FAF1: variants seen among roughly 807,000 people sequenced by gnomAD.
FAF1 encodes FAS-associated factor 1.
In FAF1, 25 loss-of-function variants were observed where a neutral mutation model predicts 92.5. The ratio of observed to expected loss-of-function variants is 0.27; its 90% CI spans 0.20 to 0.38. The LOEUF is 0.38. Among genes scored for constraint, FAF1 ranks in the 10% least tolerant of loss-of-function variants. The pLI, the probability that FAF1 is intolerant of heterozygous loss-of-function variation, is 1.00. For missense variants in FAF1, 636 were observed against 793.3 expected (o/e 0.80, Z 2.38); for synonymous variants, 234 against 273.2 (o/e 0.86, Z 1.42).
intron 17 of FAF1, among the ~76,000 whole-genome samples, chr1:50,486,979 C>T (rs1646776727): frequency 6.6e-6 from 1 of 151,964 alleles, no homozygotes; most frequent in Non-Finnish European, 1.5e-5. Context: ...AGTATTTGGG[C>T]CTTTGCAGGG....
intron 7 of FAF1, among the ~76,000 whole-genome samples, chr1:50,700,116 G>A (rs1260825853): frequency 6.6e-6 from 1 of 151,562 alleles, no homozygotes; most frequent in Non-Finnish European, 1.5e-5. Context: ...TGATATGAAA[G>A]GCTTCAAGGC....
chr1:50,872,348 A>C (rs1373655139), intron 1 of FAF1, among the ~76,000 whole-genome samples: 1 of 152,226 alleles, frequency 6.6e-6, no homozygotes, highest in Non-Finnish European at 1.5e-5. Context: ...AACTAGAATT[A>C]GAAGTGGAGT....
At chr1:50,729,086 G>C (rs539198431) in intron 6 of FAF1, among the ~76,000 whole-genome samples, 194 of 107,420 alleles carry the variant, frequency 1.8e-3, no homozygotes, top group Non-Finnish European at 2.8e-3. Flanking sequence ...GCAGAGTTTC[G>C]CTATTGTTGC....
chr1:50,487,721 C>CT (rs1223000159), intron 17 of FAF1, among the ~76,000 whole-genome samples: 2 of 152,158 alleles, frequency 1.3e-5, no homozygotes, highest in Admixed American at 6.5e-5. Context: ...TTCAATACTT[C>CT]TTTTTTCTAA....
At chr1:50,505,550 T>G (rs1218330484) in intron 15 of FAF1, among the ~76,000 whole-genome samples, 1 of 152,176 alleles carries the variant, frequency 6.6e-6, no homozygotes, top group East Asian at 1.9e-4. Flanking sequence ...GATAAGACAA[T>G]AGAAAAATGC....
intron 8 of FAF1, among the ~76,000 whole-genome samples, chr1:50,620,022 C>T (rs1653117926): frequency 6.6e-6 from 1 of 151,790 alleles, no homozygotes; most frequent in Admixed American, 6.6e-5. Flanking sequence ...GATTCTCCTG[C>T]CTCAACTTCC....
intron 1 of FAF1, among the ~76,000 whole-genome samples, chr1:50,942,425 T>C (rs978266308): frequency 6.6e-6 from 1 of 152,068 alleles, no homozygotes; most frequent in African/African-American, 2.4e-5. Flanking sequence ...TAAACTTTGT[T>C]GTAAACCACA....
chr1:50,732,334 C>A (rs1414404620), intron 6 of FAF1, among the ~76,000 whole-genome samples: 1 of 152,132 alleles, frequency 6.6e-6, no homozygotes, highest in African/African-American at 2.4e-5. Flanking sequence ...CTTGGCCTCC[C>A]AAAGTGCTGG....
chr1:50,705,155 T>G (rs919516541), intron 7 of FAF1, among the ~76,000 whole-genome samples: 1 of 152,214 alleles, frequency 6.6e-6, no homozygotes, highest in Non-Finnish European at 1.5e-5. Flanking sequence ...AAGATAGAAT[T>G]ACTAGCTTTT....
intron 1 of FAF1, among the ~76,000 whole-genome samples, chr1:50,933,900 T>C (rs1645067163): frequency 6.6e-6 from 1 of 152,194 alleles, no homozygotes; most frequent in African/African-American, 2.4e-5. Context: ...CCATCAGATC[T>C]TGTGAGACTT....
chr1:50,798,733 C>A (rs1337924048), intron 3 of FAF1, among the ~76,000 whole-genome samples: 4 of 152,292 alleles, frequency 2.6e-5, no homozygotes, highest in Non-Finnish European at 4.4e-5. Flanking sequence ...TATGACTTAT[C>A]CTATCTACCT....
At chr1:50,782,129 G>A (rs1661200346) in intron 4 of FAF1, among the ~76,000 whole-genome samples, 1 of 152,094 alleles carries the variant, frequency 6.6e-6, no homozygotes, top group East Asian at 1.9e-4. Flanking sequence ...ACTGGTTTAT[G>A]TATTCACTAT....
chr1:50,616,574 G>A (rs1652922297), intron 8 of FAF1, among the ~76,000 whole-genome samples: 1 of 151,900 alleles, frequency 6.6e-6, no homozygotes, highest in African/African-American at 2.4e-5. Context: ...TGTATTCCTA[G>A]GTATTTCATT....
At chr1:50,543,131 G>T (rs1413135863) in intron 13 of FAF1, among the ~76,000 whole-genome samples, 1 of 152,016 alleles carries the variant, frequency 6.6e-6, no homozygotes, top group African/African-American at 2.4e-5. Flanking sequence ...ACGGAAACCA[G>T]GATTACTAAT....
chr1:50,536,449 C>T (rs953641824), intron 14 of FAF1, among the ~76,000 whole-genome samples: 6 of 152,190 alleles, frequency 3.9e-5, no homozygotes, highest in African/African-American at 1.4e-4. Flanking sequence ...CCATCCTTTA[C>T]AGGACAATAA....
At chr1:50,541,755 GAAA>G (rs1429604078) in intron 13 of FAF1, among the ~76,000 whole-genome samples, 7 of 151,714 alleles carry the variant, frequency 4.6e-5, no homozygotes, top group African/African-American at 1.7e-4. Context: ...ATAAAGGAAA[GAAA>G]GAGAGAGAGA....
chr1:50,649,699 T>A (rs570729224), intron 8 of FAF1, among the ~76,000 whole-genome samples: 1 of 146,728 alleles, frequency 6.8e-6, no homozygotes, highest in African/African-American at 2.5e-5. Context: ...TCCCAGCACT[T>A]TGACAGGCCG....
At chr1:50,954,078 A>G (rs922434998) in intron 1 of FAF1, among the ~76,000 whole-genome samples, 3 of 151,758 alleles carry the variant, frequency 2.0e-5, no homozygotes, top group African/African-American at 7.3e-5. Context: ...CCTCCCGAGT[A>G]GCTGGGACTA....
At chr1:50,935,379 T>C (rs745594675) in intron 1 of FAF1, among the ~76,000 whole-genome samples, 17 of 152,144 alleles carry the variant, frequency 1.1e-4, no homozygotes, top group Non-Finnish European at 2.5e-4. Context: ...GAATATAACA[T>C]ATATTTCCCA....
Sources: allele counts gnomAD v4.1 joint callset (sites outside exome capture counted in the v4.1 genomes callset), GRCh38; gene constraint gnomAD v4.1.1; transcripts MANE v1.5; gene names NCBI Gene and HGNC (gene_info 2026-07-23, HGNC 2026-07-21).